Variants in NFATC2 observed in about 807,000 individuals in gnomAD.
The protein encoded by NFATC2 is nuclear factor of activated T cells 2.
In NFATC2, 22 loss-of-function variants were observed where a neutral mutation model predicts 87.3. The ratio of observed to expected loss-of-function variants is 0.25; its 90% confidence interval spans 0.18 to 0.36. The LOEUF is 0.36. NFATC2 is among the 10% of genes least tolerant of loss of function. The probability of loss-of-function intolerance (pLI) is 1.00; values close to 1 mark genes in which losing one functional copy is unlikely to be tolerated. For missense variants in NFATC2, 1,149 were observed against 1,259.1 expected, an observed-to-expected ratio of 0.91 and a Z score of 1.32; for synonymous variants, 565 against 542.2, an observed-to-expected ratio of 1.04 and a Z score of -0.58.
At chr20:51,538,482 C>T (rs1208585761) in intron 1 of NFATC2, among the ~76,000 whole-genome samples, 1 of 152,118 alleles carries the variant, frequency 6.6e-6, no homozygotes, top group African/African-American at 2.4e-5. Flanking sequence ...CAAGGATGCC[C>T]ACTGTCTTCA....
rs756589982 is a variant in NFATC2, at chr20:51,523,538, G to GGC, written c.701_702dup (p.His235AlafsTer69). 6.2e-7 allele frequency: 1 copy of GGC among 1,613,632 alleles called. No homozygotes were observed. Among genetic ancestry groups the GGC allele is most frequent in the South Asian group, 1.1e-5 (1 of 91,078 alleles). ...GAGGCCGGACGGGGCACGGGCGAGT[G>GGC]GCGGCCCAGGCAGCTGTCCTCGGCG... On this transcript the variant is annotated frameshift_variant, in exon 2 of 11. Coordinates refer to ENST00000371564, the MANE Select transcript of NFATC2 (RefSeq NM_012340.5). LOFTEE classifies it high-confidence loss of function. The surrounding 1 kb of genome is among the most constrained non-coding windows in gnomAD (Gnocchi z 6.9).
intron 3 of NFATC2, among the ~76,000 whole-genome samples, chr20:51,488,637 C>T (rs1334549003): frequency 6.6e-6 from 1 of 152,140 alleles, no homozygotes; most frequent in Non-Finnish European, 1.5e-5. Flanking sequence ...CCTTGTCCAT[C>T]AGAAAGTGTT....
At chr20:51,423,941 C>T (rs546135319) in intron 9 of NFATC2, among the ~76,000 whole-genome samples, 104 of 152,304 alleles carry the variant, frequency 6.8e-4, no homozygotes, top group Non-Finnish European at 1.2e-3. Flanking sequence ...GGTCTGGAGT[C>T]GGCTGGAACG....
intron 2 of NFATC2, among the ~76,000 whole-genome samples, chr20:51,519,038 C>A (rs1476495254): frequency 1.3e-5 from 2 of 152,006 alleles, no homozygotes; most frequent in African/African-American, 2.4e-5. Flanking sequence ...ACTCTGCAGT[C>A]TTAGGGTATC....
intron 5 of NFATC2, among the ~76,000 whole-genome samples, chr20:51,460,504 T>C (rs1279393541): frequency 2.0e-5 from 3 of 152,090 alleles, no homozygotes; most frequent in African/African-American, 7.2e-5. Flanking sequence ...AGAGGCTGTA[T>C]GTGCCAGCCA....
intron 1 of NFATC2, among the ~76,000 whole-genome samples, chr20:51,548,830 C>T (rs1490568785): frequency 6.6e-6 from 1 of 152,354 alleles, no homozygotes; most frequent in Non-Finnish European, 1.5e-5. Flanking sequence ...AAAGTCCCTT[C>T]TTTGCTCAGC....
intron 1 of NFATC2, among the ~76,000 whole-genome samples, chr20:51,529,167 C>T (rs2076593204): frequency 6.6e-6 from 1 of 152,082 alleles, no homozygotes; most frequent in Admixed American, 6.6e-5. Flanking sequence ...AAATTCCGGC[C>T]GTATCAGAAG....
At chr20:51,440,072 AC>A (rs1405751125) in intron 6 of NFATC2, among the ~76,000 whole-genome samples, 3 of 152,088 alleles carry the variant, frequency 2.0e-5, no homozygotes, top group Non-Finnish European at 4.4e-5. Context: ...CCCCGTCTCT[AC>A]TAAAAATACA....
intron 3 of NFATC2, among the ~76,000 whole-genome samples, chr20:51,488,125 G>C (rs569625494): frequency 6.6e-6 from 1 of 152,082 alleles, no homozygotes; most frequent in Non-Finnish European, 1.5e-5. Context: ...CCTCTTCATC[G>C]GGGCCGTTCC....
Position 51,418,983 on chromosome 20 carries a change from G to A in NFATC2, c.2722+13084C>T, listed in dbSNP as rs911931984. 6.0e-5 allele frequency among the ~76,000 whole-genome samples: 9 copies of A among 149,388 alleles called. No individual in the cohort carries two copies. The East Asian group carries it at 1.6e-3, about 26-fold the overall frequency. Reference sequence around the variant, plus strand: ...CCGCCCTAGGTTTTCTTTATAGTACGTATTTACCACCTGACATTATAATAT... The same window carrying A: ...CCGCCCTAGGTTTTCTTTATAGTACATATTTACCACCTGACATTATAATAT... On this transcript the variant is annotated intron_variant, in intron 9 of 10. Transcript: ENST00000371564.
intron 10 of NFATC2, among the ~76,000 whole-genome samples, chr20:51,396,733 G>A (rs1366456399): frequency 1.3e-5 from 2 of 152,198 alleles, no homozygotes; most frequent in Admixed American, 1.3e-4. Context: ...CCTCTGCCTT[G>A]CAGTGCCTTG....
At chr20:51,548,769 G>C (rs1269854674) in intron 1 of NFATC2, among the ~76,000 whole-genome samples, 1 of 152,164 alleles carries the variant, frequency 6.6e-6, no homozygotes, top group Non-Finnish European at 1.5e-5. Context: ...GCCCAACAGA[G>C]CTTCTACCTG....
At chr20:51,539,208 C>T (rs2076766970) in intron 1 of NFATC2, among the ~76,000 whole-genome samples, 1 of 152,226 alleles carries the variant, frequency 6.6e-6, no homozygotes, top group African/African-American at 2.4e-5. Context: ...ATTCTATCAA[C>T]AATGTCTGCC....
intron 10 of NFATC2, among the ~76,000 whole-genome samples, chr20:51,397,962 T>C (rs1987439300): frequency 6.6e-6 from 1 of 152,174 alleles, no homozygotes; most frequent in Non-Finnish European, 1.5e-5. Context: ...CAGGGCCTCC[T>C]GAAACCTGCA....
chr20:51,472,582 A>G (rs1346019992), intron 5 of NFATC2, among the ~76,000 whole-genome samples: 1 of 151,920 alleles, frequency 6.6e-6, no homozygotes, highest in African/African-American at 2.4e-5. Flanking sequence ...AAAACAATAG[A>G]AACAGTTTTT....
intron 3 of NFATC2, among the ~76,000 whole-genome samples, chr20:51,490,037 T>C (rs1373791676): frequency 6.6e-6 from 1 of 152,226 alleles, no homozygotes; most frequent in Non-Finnish European, 1.5e-5. Context: ...TCAATTCAAG[T>C]CAACAAATAT....
upstream of NFATC2, among the ~76,000 whole-genome samples, chr20:51,545,244 C>T (rs1335893576): frequency 6.6e-6 from 1 of 152,196 alleles, no homozygotes; most frequent in Non-Finnish European, 1.5e-5. Flanking sequence ...TTATTAAGTG[C>T]CACTAAATCT....
At chr20:51,491,522 C>T (rs2075883231) in intron 3 of NFATC2, among the ~76,000 whole-genome samples, 1 of 152,130 alleles carries the variant, frequency 6.6e-6, no homozygotes, top group Admixed American at 6.5e-5. Context: ...AACACTCCCA[C>T]AGTGGCTGAT....
intron 3 of NFATC2, among the ~76,000 whole-genome samples, chr20:51,492,182 A>G (rs949833899): frequency 1.3e-5 from 2 of 151,728 alleles, no homozygotes; most frequent in African/African-American, 4.8e-5. Context: ...TTTAAATCCC[A>G]TCACACACAT....
Sources: gnomAD v4.1 joint callset for allele counts (sites outside exome capture counted in the v4.1 genomes callset) on GRCh38, gnomAD v4.1.1 for gene constraint, Gnocchi (gnomAD v3.1) non-coding constraint, MANE v1.5 for transcripts, NCBI Gene and HGNC (gene_info 2026-07-23, HGNC 2026-07-21) for gene names.